ZC3H7A: variants seen among roughly 807,000 people sequenced by gnomAD.
ZC3H7A encodes zinc finger CCCH domain-containing protein 7A.
In ZC3H7A, 44 loss-of-function variants were observed where a neutral mutation model predicts 125.5. The observed-to-expected ratio is 0.35, with a 90% CI of 0.28 to 0.45. The LOEUF (loss-of-function observed/expected upper bound fraction) is 0.45. ZC3H7A is among the 20% of genes least tolerant of loss of function. The pLI, the probability that ZC3H7A is intolerant of heterozygous loss-of-function variation, is 1.00. For synonymous variants in ZC3H7A, 399 were observed against 391.2 expected (o/e 1.02, Z -0.23); for missense variants, 977 against 1,170.7 (o/e 0.83, Z 2.41).
chr16:11,783,425 C>T (rs564846166), intron 1 of ZC3H7A, among the ~76,000 whole-genome samples: 36 of 152,262 alleles, frequency 2.4e-4, no homozygotes, highest in African/African-American at 8.2e-4. Context: ...ACATCATCTC[C>T]CAGTGGCCCA....
chr16:11,751,160 C>T lies in ZC3H7A; in HGVS notation c.*157G>A. The T allele has an allele frequency of 1.4e-6, 1 of 716,508 alleles. No individual in the cohort carries two copies. The highest frequency in any genetic ancestry group is 2.2e-6 in the Non-Finnish European group (1 of 456,480). 44.4% of individuals were successfully genotyped at this position (716,508 alleles called of 1,614,324 possible). On this transcript the variant is annotated 3_prime_UTR_variant, in exon 23 of 23. Transcript: ENST00000355758. ...TGAGAGCGTGGCCAGGCCTGTGAAA[C>T]AGCCCATTTTCCTACCTACTGTGGG...
chr16:11,780,949 C>T lies in ZC3H7A; in HGVS notation c.108+476G>A, dbSNP rs369863904. 9.3e-4 allele frequency among the ~76,000 whole-genome samples: 142 copies of T among 152,320 alleles called. 1 individual carries two copies. In the South Asian group the frequency reaches 0.017, roughly 18 times the overall value. On this transcript the variant is annotated intron_variant, in intron 3 of 22. Transcript: ENST00000355758. ...CTAACAGAAAAAAATGTTCCACACA[C>T]TCTTTCTCAATAAATTCTGTCCCAC...
At chr16:11,784,041 G>A (rs1014659490) in intron 1 of ZC3H7A, among the ~76,000 whole-genome samples, 19 of 152,166 alleles carry the variant, frequency 1.2e-4, no homozygotes, top group African/African-American at 4.1e-4. Flanking sequence ...GGGAGGGTGA[G>A]AAGTGCAGGG....
intron 11 of ZC3H7A, 150 bp downstream of exon 11, chr16:11,768,881 T>C (rs562305819): frequency 1.2e-4 from 90 of 736,816 alleles, no homozygotes; most frequent in African/African-American, 1.1e-3. Flanking sequence ...CCGTTATTAC[T>C]AGATGTTCCA....
chr16:11,781,549 C>T, intron 2 of ZC3H7A, 85 bp from the exon 3 acceptor site: 2 of 1,426,194 alleles, frequency 1.4e-6, no homozygotes, highest in Non-Finnish European at 9.8e-7. Context: ...ATCTGTGGTT[C>T]CATTAGCTTG....
intron 19 of ZC3H7A, chr16:11,759,625 AAGG>A (rs1242067871): frequency 6.6e-6 from 1 of 152,248 alleles, no homozygotes; most frequent in Admixed American, 6.5e-5. Context: ...AAAGCAGGTA[AAGG>A]AGAAGGCCAG....
At chr16:11,756,992 T>TA (rs35770596) in intron 20 of ZC3H7A, among the ~76,000 whole-genome samples, 93,745 of 151,526 alleles carry the variant, frequency 0.62, 30,029 homozygotes, top group East Asian at 0.85. Context: ...TGCCAAGTGC[T>TA]AAAGCTGAGG....
chr16:11,786,553 G>A (rs1050678250), intron 1 of ZC3H7A, among the ~76,000 whole-genome samples: 38 of 152,194 alleles, frequency 2.5e-4, no homozygotes, highest in Admixed American at 2.2e-3. Context: ...CAAAAGGCGT[G>A]TGGCAAAGAG....
intron 1 of ZC3H7A, among the ~76,000 whole-genome samples, chr16:11,784,854 CAAAAAA>C (rs536349199): frequency 3.3e-4 from 20 of 59,988 alleles, no homozygotes; most frequent in African/African-American, 1.2e-3. Context: ...CACTCCATCT[CAAAAAA>C]AAAAAAAAAA....
chr16:11,768,639 C>G, intron 11 of ZC3H7A, 138 bp from the exon 12 acceptor site: 1 of 758,242 alleles, frequency 1.3e-6, no homozygotes, highest in Non-Finnish European at 1.9e-6. Context: ...CCTTAATGCT[C>G]TTCTATCTTA....
At chr16:11,788,762 C>T (rs948113892) in intron 1 of ZC3H7A, among the ~76,000 whole-genome samples, 10 of 151,856 alleles carry the variant, frequency 6.6e-5, no homozygotes, top group African/African-American at 2.2e-4. Context: ...TACAGGTACG[C>T]ACCAGCACAC....
chr16:11,785,889 G>GA (rs1399353385), intron 1 of ZC3H7A, among the ~76,000 whole-genome samples: 1 of 152,154 alleles, frequency 6.6e-6, no homozygotes, highest in Admixed American at 6.5e-5. Flanking sequence ...AAAGTGCTGG[G>GA]ATTACAGGCG....
intron 17 of ZC3H7A, 55 bp from the exon 18 acceptor site, chr16:11,762,098 A>T (rs1441188434): frequency 2.0e-6 from 3 of 1,489,336 alleles, no homozygotes; most frequent in African/African-American, 1.4e-5. Flanking sequence ...CAGTTTTCTG[A>T]TGACAAAATA....
At chr16:11,752,937 T>G (rs999342750) in intron 21 of ZC3H7A, 105 bp from the exon 22 acceptor site, 10 of 1,438,844 alleles carry the variant, frequency 7.0e-6, no homozygotes, top group Admixed American at 2.1e-5. Flanking sequence ...GACATAAAAC[T>G]CAGGTTAGAA....
chr16:11,782,406 A>C lies in ZC3H7A; in HGVS notation c.-34-18T>G. 6.2e-7 allele frequency: 1 copy of C among 1,606,660 alleles called. No homozygotes were observed. ...TGAGCAATCTGGAAAGAAACAAGGC[A>C]AAAAAGCACATAAGGTACCAGGGTC... On this transcript the variant is annotated intron_variant, in intron 1 of 22. Coordinates refer to ENST00000355758, the MANE Select transcript of ZC3H7A (RefSeq NM_014153.4).
Position 11,768,492 on chromosome 16 carries a change from G to A in ZC3H7A, c.1183C>T (p.Pro395Ser), listed in dbSNP as rs1413783042. 1 of 1,438,672 alleles carries A rather than the reference G, an allele frequency of 7.0e-7. No individual in the cohort carries two copies. Among genetic ancestry groups the A allele is most frequent in the South Asian group, 1.6e-5 (1 of 62,808 alleles). 89.1% of individuals were successfully genotyped at this position (1,438,672 alleles called of 1,614,324 possible). Residue 395 changes from proline (P) to serine (S), a missense_variant, in exon 12 of 23, where the codon CCA (proline) becomes TCA (serine). By Grantham distance (74) the Pro-to-Ser change is moderately conservative. This residue lies in a region of ZC3H7A where 342 missense variants were observed against 311.3 expected (regional missense o/e 1.10). Coordinates refer to ENST00000355758, the MANE Select transcript of ZC3H7A (RefSeq NM_014153.4). ...SNSSLLLMNGPGSLFASENFL... is the reference protein window; with the variant it reads ...SNSSLLLMNGSGSLFASENFL... Reference sequence around the variant, plus strand: ...TTCTCTGAAGCAAACAAACTACCTGGTCCATTCATCTGCAAGAAAAATAAG... The same window carrying A: ...TTCTCTGAAGCAAACAAACTACCTGATCCATTCATCTGCAAGAAAAATAAG...
intron 7 of ZC3H7A, among the ~76,000 whole-genome samples, chr16:11,776,058 G>C (rs890186265): frequency 6.6e-6 from 1 of 152,194 alleles, no homozygotes; most frequent in African/African-American, 2.4e-5. Flanking sequence ...CTACTCGGGA[G>C]GCTGAGGTGG....
intron 19 of ZC3H7A, 41 bp from the exon 20 acceptor site, chr16:11,758,580 C>G (rs553768551): frequency 2.8e-6 from 4 of 1,447,454 alleles, no homozygotes; most frequent in Non-Finnish European, 3.9e-6. Context: ...CAAAGTACAC[C>G]TAGTAAAACG....
intron 19 of ZC3H7A, chr16:11,759,225 ACCT>A (rs2052701494): frequency 6.6e-6 from 1 of 151,908 alleles, no homozygotes; most frequent in African/African-American, 2.4e-5. Flanking sequence ...AACCAAGAAA[ACCT>A]CCATCACGGA....
Sources: gnomAD v4.1 joint callset for allele counts (sites outside exome capture counted in the v4.1 genomes callset) on GRCh38, gnomAD v4.1.1 for gene constraint, gnomAD v4.1.1 regional missense constraint, MANE v1.5 for transcripts, NCBI Gene and HGNC (gene_info 2026-07-23, HGNC 2026-07-21) for gene names.